CHST11: variants seen among roughly 807,000 people sequenced by gnomAD.
CHST11 encodes the protein carbohydrate sulfotransferase 11, also known as C4S-1.
In CHST11, 9 loss-of-function variants were observed where a neutral mutation model predicts 30.4. The observed-to-expected ratio is 0.30, with a 90% confidence interval of 0.18 to 0.52. CHST11 has a LOEUF of 0.52. Among genes scored for constraint, CHST11 ranks in the 20% least tolerant of loss-of-function variants. CHST11 has a pLI of 0.97. For synonymous variants in CHST11, 152 were observed against 187.8 expected (o/e 0.81, Z 1.56); for missense variants, 348 against 460.6 (o/e 0.76, Z 2.24).
chr12:104,506,190 G>A (rs1207399690), intron 1 of CHST11, among the ~76,000 whole-genome samples: 1 of 152,202 alleles, frequency 6.6e-6, no homozygotes, highest in Non-Finnish European at 1.5e-5. Flanking sequence ...AGGATGACAA[G>A]CGAACGCAGA....
intron 1 of CHST11, among the ~76,000 whole-genome samples, chr12:104,511,161 A>G (rs1426170676): frequency 6.6e-6 from 1 of 152,260 alleles, no homozygotes; most frequent in Admixed American, 6.5e-5. Context: ...ACTTTCAGAG[A>G]GTTTATAGCC....
intron 1 of CHST11, among the ~76,000 whole-genome samples, chr12:104,491,211 CT>C (rs780536447): frequency 6.6e-6 from 1 of 152,178 alleles, no homozygotes; most frequent in Non-Finnish European, 1.5e-5. Flanking sequence ...AGACATCTCC[CT>C]TCATCACCAT....
intron 2 of CHST11, among the ~76,000 whole-genome samples, chr12:104,640,185 AAAC>A (rs2039361865): frequency 6.6e-6 from 1 of 152,232 alleles, no homozygotes; most frequent in Non-Finnish European, 1.5e-5. Flanking sequence ...TTATGAAACT[AAAC>A]ATCCTCTTAT....
chr12:104,575,083 C>G (rs56061645), intron 1 of CHST11, among the ~76,000 whole-genome samples: 215 of 151,946 alleles, frequency 1.4e-3, no homozygotes, highest in African/African-American at 5.0e-3. Flanking sequence ...ATTCCAGCTA[C>G]TCAGGAGGCT....
intron 2 of CHST11, among the ~76,000 whole-genome samples, chr12:104,662,461 A>G (rs2039606067): frequency 6.6e-6 from 1 of 152,164 alleles, no homozygotes; most frequent in South Asian, 2.1e-4. Flanking sequence ...TATCTTTTTC[A>G]TTTGACTTGG....
At chr12:104,592,085 T>G (rs1426330111) in intron 1 of CHST11, among the ~76,000 whole-genome samples, 7 of 151,032 alleles carry the variant, frequency 4.6e-5, no homozygotes, top group Non-Finnish European at 8.9e-5. Context: ...ACCTGGCACC[T>G]CCTCCCCTCC....
chr12:104,730,272 C>A (rs2040246258), intron 2 of CHST11, among the ~76,000 whole-genome samples: 1 of 152,246 alleles, frequency 6.6e-6, no homozygotes, highest in Non-Finnish European at 1.5e-5. Flanking sequence ...TCTCTGTTCA[C>A]ACGGCCTCTT....
intron 1 of CHST11, among the ~76,000 whole-genome samples, chr12:104,489,032 T>G (rs2037718754): frequency 6.6e-6 from 1 of 152,044 alleles, no homozygotes; most frequent in Admixed American, 6.6e-5. Context: ...TTTCTTCTTC[T>G]TCCTCTTTTT....
chr12:104,730,826 G>C (rs2040251321), intron 2 of CHST11, among the ~76,000 whole-genome samples: 1 of 152,182 alleles, frequency 6.6e-6, no homozygotes, highest in African/African-American at 2.4e-5. Flanking sequence ...AACTTGGAGT[G>C]GACGGAAGGT....
At chr12:104,711,838 T>A (rs1013041073) in intron 2 of CHST11, among the ~76,000 whole-genome samples, 1 of 152,180 alleles carries the variant, frequency 6.6e-6, no homozygotes, top group African/African-American at 2.4e-5. Flanking sequence ...TTGCACTGTC[T>A]CATTCCAACA....
At chr12:104,724,171 G>A (rs1036572760) in intron 2 of CHST11, among the ~76,000 whole-genome samples, 7 of 152,184 alleles carry the variant, frequency 4.6e-5, no homozygotes, top group African/African-American at 1.7e-4. Context: ...GAAAATAGTG[G>A]CCTTCAAGTG....
At chr12:104,714,371 G>A (rs1014196685) in intron 2 of CHST11, among the ~76,000 whole-genome samples, 3 of 152,156 alleles carry the variant, frequency 2.0e-5, no homozygotes, top group Non-Finnish European at 2.9e-5. Flanking sequence ...TTACCTGCTA[G>A]TAGAGGACCA....
chr12:104,687,257 C>G (rs917819743), intron 2 of CHST11, among the ~76,000 whole-genome samples: 1 of 152,264 alleles, frequency 6.6e-6, no homozygotes, highest in Non-Finnish European at 1.5e-5. Flanking sequence ...ACCTTGTTCT[C>G]ATTTGGGTGG....
chr12:104,631,593 A>G (rs1360246787), intron 2 of CHST11, among the ~76,000 whole-genome samples: 1 of 152,166 alleles, frequency 6.6e-6, no homozygotes, highest in Non-Finnish European at 1.5e-5. Flanking sequence ...TCAGAGGAGT[A>G]AAGTTATGTT....
chr12:104,478,354 G>A (rs1476976243), intron 1 of CHST11, among the ~76,000 whole-genome samples: 1 of 152,126 alleles, frequency 6.6e-6, no homozygotes, highest in African/African-American at 2.4e-5. Context: ...TACACTGTAA[G>A]TAAAAATGTG....
intron 1 of CHST11, among the ~76,000 whole-genome samples, chr12:104,599,586 G>T (rs1434580179): frequency 1.3e-5 from 2 of 152,218 alleles, no homozygotes; most frequent in African/African-American, 4.8e-5. Context: ...ACACAACATA[G>T]AATTTTTTTC....
chr12:104,756,915 C>T (rs751527748), intron 2 of CHST11, 34 bp from the exon 3 acceptor site: 102 of 1,587,126 alleles, frequency 6.4e-5, no homozygotes, highest in Non-Finnish European at 8.1e-5. Flanking sequence ...CAGGCAAGTA[C>T]TGAGTTCTTA....
intron 1 of CHST11, among the ~76,000 whole-genome samples, chr12:104,538,429 A>G (rs1488543227): frequency 6.6e-6 from 1 of 152,098 alleles, no homozygotes; most frequent in African/African-American, 2.4e-5. Flanking sequence ...TCTCTTGGCT[A>G]AGTAGTGTTC....
At position 104,729,157 on chromosome 12, in the gene CHST11, A is replaced by G. The variant is rs979524764; in HGVS notation, c.205-27792A>G. Among the ~76,000 whole-genome samples the G allele has an allele frequency of 1.3e-5, 2 of 152,200 alleles. No homozygotes were observed. Among genetic ancestry groups the G allele is most frequent in the Non-Finnish European group, 2.9e-5 (2 of 68,034 alleles). ...AGGAAACAAAAGAGACAGAAAAAAC[A>G]CAGAGGCCAAGATGAGCTGACAGAA... On this transcript the variant is annotated intron_variant, in intron 2 of 2. Coordinates refer to ENST00000303694, the MANE Select transcript of CHST11 (RefSeq NM_018413.6). The surrounding 1 kb of genome is among the most constrained non-coding windows in gnomAD (Gnocchi z 4.0).
Sources: allele counts gnomAD v4.1 joint callset (sites outside exome capture counted in the v4.1 genomes callset), GRCh38; gene constraint gnomAD v4.1.1; non-coding constraint Gnocchi (gnomAD v3.1); transcripts MANE v1.5; gene names NCBI Gene and HGNC (gene_info 2026-07-23, HGNC 2026-07-21).